The following ODAD2 variants were observed in gnomAD, a reference collection of about 807,000 sequenced individuals.
ODAD2 encodes the protein outer dynein arm-docking complex subunit 2.
In ODAD2, 89 loss-of-function variants were observed where a neutral mutation model predicts 106.8. The ratio of observed to expected loss-of-function variants is 0.83; its 90% CI spans 0.70 to 0.99. The LOEUF is 0.99. Among genes scored for constraint, ODAD2 ranks in the 50% least tolerant of loss-of-function variants. ODAD2 has a pLI of 0.00. For missense variants in ODAD2, 1,168 were observed against 1,238.5 expected (o/e 0.94, Z 0.85); for synonymous variants, 404 against 436.2 (o/e 0.93, Z 0.92).
At chr10:27,971,761 C>A (rs1848880022) in intron 7 of ODAD2, among the ~76,000 whole-genome samples, 1 of 152,120 alleles carries the variant, frequency 6.6e-6, no homozygotes, top group South Asian at 2.1e-4. Flanking sequence ...AGAGTAATAT[C>A]TTTAAAGCAC....
chr10:27,828,507 TA>T (rs1317816042), intron 19 of ODAD2, among the ~76,000 whole-genome samples: 1 of 152,176 alleles, frequency 6.6e-6, no homozygotes, highest in Non-Finnish European at 1.5e-5. Context: ...GGTAAGTTTG[TA>T]GGTGTGGGAC....
At position 27,823,876 on chromosome 10, in the gene ODAD2, C is replaced by A. The variant is rs1589754644; in HGVS notation, c.3022-11251G>T. On this transcript the variant is annotated intron_variant, in intron 19 of 19. Coordinates refer to ENST00000305242, the MANE Select transcript of ODAD2 (RefSeq NM_018076.5). ...ATAGTTCAGGCCGGGCGCGGTGGCT[C>A]ACGCCTGTAATCCCAGCACTTTGGG... Among the ~76,000 whole-genome samples, 10 of 116,390 alleles carry A rather than the reference C, an allele frequency of 8.6e-5. 2 individuals carry two copies. The South Asian group carries it at 2.0e-3, about 23-fold the overall frequency. 76.4% of individuals were successfully genotyped at this position (116,390 alleles called of 152,430 possible). A position where few individuals can be genotyped will look rare whatever the true frequency, so the allele number is the denominator to read the frequency against.
intron 19 of ODAD2, among the ~76,000 whole-genome samples, chr10:27,848,345 G>C (rs962650158): frequency 6.6e-6 from 1 of 152,168 alleles, no homozygotes; most frequent in Non-Finnish European, 1.5e-5. Context: ...TTAATAAATG[G>C]TGCTGGGAAA....
intron 17 of ODAD2, among the ~76,000 whole-genome samples, chr10:27,897,739 T>A (rs954059336): frequency 6.6e-6 from 1 of 152,142 alleles, no homozygotes; most frequent in Non-Finnish European, 1.5e-5. Flanking sequence ...AGAGATGTGA[T>A]CAAGCAGAGA....
intron 19 of ODAD2, among the ~76,000 whole-genome samples, chr10:27,858,121 G>T (rs549591320): frequency 6.6e-6 from 1 of 152,168 alleles, no homozygotes; most frequent in South Asian, 2.1e-4. Context: ...CTGAAATCTG[G>T]AATCATTTTT....
chr10:27,869,044 TGAAG>T (rs1840663126), intron 17 of ODAD2, among the ~76,000 whole-genome samples: 4 of 151,870 alleles, frequency 2.6e-5, no homozygotes, highest in Admixed American at 6.6e-5. Context: ...TTAGAATTGC[TGAAG>T]TTGTAATTAG....
chr10:27,962,412 C>T (rs1848201414), intron 9 of ODAD2, among the ~76,000 whole-genome samples: 1 of 152,190 alleles, frequency 6.6e-6, no homozygotes, highest in African/African-American at 2.4e-5. Flanking sequence ...TCTATTATTC[C>T]AGTAAGTTCA....
intron 10 of ODAD2, among the ~76,000 whole-genome samples, chr10:27,952,116 C>T (rs1847383671): frequency 2.5e-5 from 3 of 118,286 alleles, no homozygotes; most frequent in African/African-American, 5.8e-5. Flanking sequence ...AAAATAAATA[C>T]CTGCAATTAG....
chr10:27,820,776 A>ATTTTTTTTTTT (rs1836539587), intron 19 of ODAD2, among the ~76,000 whole-genome samples: 1 of 130,682 alleles, frequency 7.7e-6, no homozygotes, highest in African/African-American at 3.3e-5. Context: ...AAGCCCAGCA[A>ATTTTTTTTTTT]CTTTTTTTTT....
chr10:27,996,148 T>G (rs1278780528), intron 1 of ODAD2, among the ~76,000 whole-genome samples: 3 of 152,246 alleles, frequency 2.0e-5, no homozygotes, highest in Non-Finnish European at 2.9e-5. Flanking sequence ...TTTTGGCAGA[T>G]AATCTATACT....
At chr10:27,843,620 T>A (rs1196718946) in intron 19 of ODAD2, among the ~76,000 whole-genome samples, 1 of 151,948 alleles carries the variant, frequency 6.6e-6, no homozygotes, top group Admixed American at 6.6e-5. Context: ...AGAAAAAAAT[T>A]AGCTGGGTGT....
chr10:27,839,912 T>C (rs560855602), intron 19 of ODAD2, among the ~76,000 whole-genome samples: 1 of 152,358 alleles, frequency 6.6e-6, no homozygotes, highest in East Asian at 1.9e-4. Context: ...AGTCAACTGT[T>C]ATTCTGTTTA....
intron 19 of ODAD2, among the ~76,000 whole-genome samples, chr10:27,859,679 T>C (rs567059518): frequency 2.6e-4 from 39 of 152,238 alleles, no homozygotes; most frequent in Non-Finnish European, 3.5e-4. Context: ...AGAAAAGAAC[T>C]AATATTTTAA....
rs1468995735 is a variant in ODAD2 at position 27,944,412 on chromosome 10, A to C, written c.1553T>G (p.Leu518Arg). 6.2e-7 allele frequency: 1 copy of C among 1,613,726 alleles called. No individual in the cohort carries two copies. The highest frequency in any genetic ancestry group is 1.3e-5 in the African/African-American group (1 of 74,906). ...TTGAGGATTATGACTGATTTCCTTC[A>C]GTATTTTTAATGAACCAATCTGTGT... The part of the protein sequence containing the change: ...VKCKIGSLKI[L>R]KEISHNPQIR... The change falls in exon 12 of 20, where the codon CTG becomes CGG. Residue 518 changes from leucine to arginine, a missense_variant. Leu to Arg is a moderately radical substitution (Grantham distance 102). This residue lies in a region of ODAD2 where 701 missense variants were observed against 712.3 expected (regional missense o/e 0.98). Coordinates refer to ENST00000305242, the MANE Select transcript of ODAD2 (RefSeq NM_018076.5).
chr10:27,814,934 T>C (rs1836015969), intron 19 of ODAD2, among the ~76,000 whole-genome samples: 1 of 152,206 alleles, frequency 6.6e-6, no homozygotes, highest in African/African-American at 2.4e-5. Context: ...TGCCCAGCAA[T>C]CAAAATTTGT....
intron 2 of ODAD2, among the ~76,000 whole-genome samples, chr10:27,992,960 G>A (rs1009418589): frequency 1.3e-5 from 2 of 152,056 alleles, no homozygotes; most frequent in African/African-American, 4.8e-5. Flanking sequence ...CTGTCACCCA[G>A]GCTGGAGTTC....
At chr10:27,916,524 G>T (rs1320144545) in intron 16 of ODAD2, among the ~76,000 whole-genome samples, 1 of 151,978 alleles carries the variant, frequency 6.6e-6, no homozygotes, top group Non-Finnish European at 1.5e-5. Flanking sequence ...TAACATGTGG[G>T]TTTCCTTCCA....
At chr10:27,937,425 C>T (rs1846073399) in intron 14 of ODAD2, among the ~76,000 whole-genome samples, 1 of 151,414 alleles carries the variant, frequency 6.6e-6, no homozygotes, top group South Asian at 2.1e-4. Context: ...GCAACCTCCA[C>T]CTCCTGGGTT....
chr10:27,870,542 C>A (rs1008829114), intron 17 of ODAD2, among the ~76,000 whole-genome samples: 1 of 152,044 alleles, frequency 6.6e-6, no homozygotes, highest in Non-Finnish European at 1.5e-5. Flanking sequence ...GTGTGATGGT[C>A]CCCTTCCTGT....
Sources: gnomAD v4.1 joint callset for allele counts (sites outside exome capture counted in the v4.1 genomes callset) on GRCh38, gnomAD v4.1.1 for gene constraint, gnomAD v4.1.1 regional missense constraint, MANE v1.5 for transcripts, NCBI Gene and HGNC (gene_info 2026-07-23, HGNC 2026-07-21) for gene names.